LCOR: variants seen among roughly 807,000 people sequenced by gnomAD.
LCOR encodes the protein ligand-dependent corepressor.
A neutral mutation model predicts 64.4 loss-of-function variants in LCOR; 14 were observed. That is an observed-to-expected ratio of 0.22 (90% confidence interval 0.14 to 0.34). LCOR has a LOEUF of 0.34. Among genes scored for constraint, LCOR ranks in the 10% least tolerant of loss-of-function variants. LCOR has a pLI of 1.00. For missense variants in LCOR, 1,686 were observed against 1,765.3 expected (o/e 0.96, Z 0.80); for synonymous variants, 643 against 642.5 (o/e 1.00, Z -0.01).
intron 2 of LCOR, among the ~76,000 whole-genome samples, chr10:96,906,595 C>T (rs1168987699): frequency 2.0e-5 from 3 of 152,138 alleles, no homozygotes; most frequent in Admixed American, 6.5e-5. Context: ...CTACTTTTTT[C>T]ACACTGGTAG....
rs1846981788 is a variant in LCOR, at chr10:96,917,847, T to C, written c.-184+10100T>C. ...AAGTGATACTGACGTTAGGCTTCCA[T>C]CCCAGATGGCTTGGCATGAAATTAA... On this transcript the variant is annotated intron_variant, in intron 4 of 7. Transcript: ENST00000421806. Among the ~76,000 whole-genome samples, 3 of 152,186 alleles carry C rather than the reference T, an allele frequency of 2.0e-5. No individual in the cohort carries two copies. The South Asian group carries it at 6.2e-4, about 32-fold the overall frequency.
intron 2 of LCOR, among the ~76,000 whole-genome samples, chr10:96,865,720 A>T (rs1428305937): frequency 6.6e-6 from 1 of 152,006 alleles, no homozygotes; most frequent in Non-Finnish European, 1.5e-5. Flanking sequence ...TTAAAAATAC[A>T]AAAATTAGTC....
intron 2 of LCOR, among the ~76,000 whole-genome samples, chr10:96,883,772 TC>T (rs1347760674): frequency 1.3e-5 from 2 of 152,230 alleles, no homozygotes; most frequent in Non-Finnish European, 2.9e-5. Context: ...GATATTTATT[TC>T]CCAGTCTGTG....
At chr10:96,866,993 T>A (rs566484330) in intron 2 of LCOR, among the ~76,000 whole-genome samples, 1 of 152,224 alleles carries the variant, frequency 6.6e-6, no homozygotes, top group Admixed American at 6.5e-5. Flanking sequence ...TTTCTATTAC[T>A]ATTATTTTTT....
chr10:96,851,908 CAT>C (rs1053871154), intron 2 of LCOR, among the ~76,000 whole-genome samples: 39 of 152,210 alleles, frequency 2.6e-4, no homozygotes, highest in Middle Eastern at 3.4e-3. Flanking sequence ...AATGGTATGT[CAT>C]ATTTTTTAAT....
rs773371656 is a variant in LCOR, at chr10:96,984,672, C to G, written c.4212C>G (p.Gly1404=). 3 of 1,614,100 alleles carry G rather than the reference C, an allele frequency of 1.9e-6. No individual in the cohort carries two copies. The highest frequency in any genetic ancestry group is 2.2e-5 in the South Asian group (2 of 91,088). Reference sequence around the variant, plus strand: ...AGAGTAAACGCAAGAGAACAGAAGGCAGCAGCCCTCCAGATAGTAAGAACA... The same window carrying G: ...AGAGTAAACGCAAGAGAACAGAAGGGAGCAGCCCTCCAGATAGTAAGAACA... ...EVQSKRKRTE[G]SSPPDSKNKG... is the part of the protein sequence containing the mutation. Residue 1404 remains glycine, a synonymous_variant, in exon 8 of 8, where the codon GGC becomes GGG. Transcript: ENST00000421806.
intron 2 of LCOR, among the ~76,000 whole-genome samples, chr10:96,869,509 C>G (rs1378218401): frequency 6.6e-6 from 1 of 151,868 alleles, no homozygotes; most frequent in African/African-American, 2.4e-5. Flanking sequence ...GCCATCGTAC[C>G]TGGCCTAAGT....
At chr10:96,866,271 T>G (rs1845972302) in intron 2 of LCOR, among the ~76,000 whole-genome samples, 1 of 152,238 alleles carries the variant, frequency 6.6e-6, no homozygotes, top group African/African-American at 2.4e-5. Context: ...TCTCCTTCCC[T>G]TACCCCAGCC....
At chr10:96,945,546 A>G (rs1044400006) in intron 5 of LCOR, among the ~76,000 whole-genome samples, 13 of 152,168 alleles carry the variant, frequency 8.5e-5, no homozygotes, top group African/African-American at 3.1e-4. Context: ...CATTGCTCAG[A>G]ATTCTAAAAT....
rs1420288334 is a variant in LCOR at position 96,957,084 on chromosome 10, A to G, written c.332+4888A>G. 5.1e-6 allele frequency: 5 copies of G among 985,206 alleles called. No homozygotes were observed. In the African/African-American group the frequency reaches 7.0e-5, roughly 14 times the overall value. 61.0% of individuals were successfully genotyped at this position (985,206 alleles called of 1,614,324 possible). On this transcript the variant is annotated intron_variant, in intron 7 of 7. Transcript: ENST00000421806. The stretch of plus-strand genomic sequence containing the variant: ...ATTTAGGATGCATATCAGTTCTAAC[A>G]ATTCAATCAGAAGTCAAGCTCATTG...
At chr10:96,957,321 A>C in intron 7 of LCOR, 9 of 985,204 alleles carry the variant, frequency 9.1e-6, no homozygotes, top group African/African-American at 1.7e-5. Flanking sequence ...TCATGTTTGT[A>C]TAAGCACTCC....
intron 7 of LCOR, chr10:96,959,332 T>G (rs1231024759): frequency 6.6e-6 from 1 of 151,348 alleles, no homozygotes; most frequent in Non-Finnish European, 1.5e-5. Context: ...CGAAAGCCGT[T>G]TTTCCTCACA....
intron 2 of LCOR, among the ~76,000 whole-genome samples, chr10:96,879,595 A>C (rs1174909831): frequency 6.6e-6 from 1 of 152,142 alleles, no homozygotes; most frequent in Non-Finnish European, 1.5e-5. Flanking sequence ...ATTTTATGAG[A>C]CCTTCTGAAA....
chr10:96,866,815 A>G (rs572072002), intron 2 of LCOR, among the ~76,000 whole-genome samples: 1 of 152,216 alleles, frequency 6.6e-6, no homozygotes, highest in South Asian at 2.1e-4. Context: ...ACCTCAGGTG[A>G]TCTGCCTGCC....
At chr10:96,911,242 C>T (rs1465938563) in intron 4 of LCOR, among the ~76,000 whole-genome samples, 3 of 151,830 alleles carry the variant, frequency 2.0e-5, no homozygotes, top group Non-Finnish European at 4.4e-5. Context: ...GAACTACAGG[C>T]GTGCACCAAC....
At chr10:96,950,572 A>G (rs1847661181) in intron 6 of LCOR, among the ~76,000 whole-genome samples, 1 of 152,146 alleles carries the variant, frequency 6.6e-6, no homozygotes, top group African/African-American at 2.4e-5. Context: ...GATACCACTT[A>G]ATCTAATTTA....
At chr10:96,855,007 T>C (rs574142001) in intron 2 of LCOR, among the ~76,000 whole-genome samples, 59 of 152,202 alleles carry the variant, frequency 3.9e-4, no homozygotes, top group Non-Finnish European at 6.9e-4. Context: ...GATTTTCTTT[T>C]AGGGAGTCAC....
At chr10:96,964,227 A>G (rs1055652023) in intron 7 of LCOR, 1 of 145,352 alleles carries the variant, frequency 6.9e-6, no homozygotes, top group Non-Finnish European at 1.5e-5. Flanking sequence ...ATTTTAATCC[A>G]TGTGGTCCCC....
intron 6 of LCOR, among the ~76,000 whole-genome samples, chr10:96,951,851 T>A (rs538609609): frequency 6.6e-6 from 1 of 152,318 alleles, no homozygotes; most frequent in East Asian, 1.9e-4. Flanking sequence ...TATCTTAACA[T>A]CTTCAGTAAC....
Sources: gnomAD v4.1 joint callset for allele counts (sites outside exome capture counted in the v4.1 genomes callset) on GRCh38, gnomAD v4.1.1 for gene constraint, MANE v1.5 for transcripts, NCBI Gene and HGNC (gene_info 2026-07-23, HGNC 2026-07-21) for gene names.